The following CTTNBP2NL variants were observed in gnomAD, a reference collection of about 807,000 sequenced individuals.
CTTNBP2NL encodes the protein CTTNBP2 N-terminal like.
A neutral mutation model predicts 32.5 loss-of-function variants in CTTNBP2NL; 16 were observed. The observed-to-expected ratio is 0.49, with a 90% CI of 0.33 to 0.75. CTTNBP2NL has a LOEUF of 0.75. Among genes scored for constraint, CTTNBP2NL ranks in the 30% least tolerant of loss-of-function variants. CTTNBP2NL has a pLI of 0.02. For missense variants in CTTNBP2NL, 645 were observed against 756.0 expected, an observed-to-expected ratio of 0.85 and a Z score of 1.72; for synonymous variants, 298 against 289.4, an observed-to-expected ratio of 1.03 and a Z score of -0.30.
intron 1 of CTTNBP2NL, among the ~76,000 whole-genome samples, chr1:112,406,956 G>A (rs1557884480): frequency 1.3e-5 from 2 of 152,168 alleles, no homozygotes; most frequent in African/African-American, 4.8e-5. Context: ...GAATAAACAA[G>A]CATCTTGATC....
chr1:112,410,261 G>A (rs1313408455), intron 1 of CTTNBP2NL, among the ~76,000 whole-genome samples: 3 of 151,972 alleles, frequency 2.0e-5, no homozygotes, highest in Admixed American at 6.6e-5. Flanking sequence ...GCATGGTGGC[G>A]CATGCCTATA....
intron 3 of CTTNBP2NL, among the ~76,000 whole-genome samples, chr1:112,439,340 A>T (rs953082557): frequency 2.6e-5 from 4 of 151,954 alleles, no homozygotes; most frequent in African/African-American, 9.7e-5. Flanking sequence ...CTACTTCTTA[A>T]CCAAGATAAG....
intron 4 of CTTNBP2NL, among the ~76,000 whole-genome samples, chr1:112,451,403 G>A (rs1260004302): frequency 6.7e-6 from 1 of 148,522 alleles, no homozygotes; most frequent in Non-Finnish European, 1.5e-5. Context: ...TTTGGGAATA[G>A]TAGATGTGAC....
intron 3 of CTTNBP2NL, among the ~76,000 whole-genome samples, chr1:112,447,272 TAAAAAAAAAAAAAA>T (rs35522134): frequency 1.4e-5 from 1 of 69,678 alleles, no homozygotes; most frequent in Non-Finnish European, 2.7e-5. Context: ...AGACTCCATC[TAAAAAAAAAAAAAA>T]AAAAAAAAAA....
chr1:112,458,680 A>C lies in CTTNBP2NL; in HGVS notation c.*1268A>C, dbSNP rs552248633. 3 of 152,318 alleles carry C rather than the reference A, an allele frequency of 2.0e-5. No homozygotes were observed. Among genetic ancestry groups the C allele is most frequent in the African/African-American group, 7.2e-5 (3 of 41,568 alleles). 9.4% of individuals were successfully genotyped at this position (152,318 alleles called of 1,614,324 possible). ...AGCCTAGATCTTCAGTATCATAAAA[A>C]GGCAGAGCTGGCCAGGCACAGTGGC... On this transcript the variant is annotated 3_prime_UTR_variant, in exon 6 of 6. Transcript: ENST00000271277.
At chr1:112,450,595 G>T (rs1372915878) in intron 4 of CTTNBP2NL, among the ~76,000 whole-genome samples, 1 of 152,172 alleles carries the variant, frequency 6.6e-6, no homozygotes, top group Non-Finnish European at 1.5e-5. Context: ...TTGTGTTGAA[G>T]CTAGTTGGGC....
chr1:112,400,347 T>C (rs1334695097), intron 1 of CTTNBP2NL, among the ~76,000 whole-genome samples: 9 of 152,150 alleles, frequency 5.9e-5, no homozygotes, highest in Admixed American at 5.9e-4. Flanking sequence ...TAGAAATAAC[T>C]TGGAGAGGTT....
Position 112,458,796 on chromosome 1 carries a change from AC to A in CTTNBP2NL, c.*1388del, listed in dbSNP as rs991932869. ...AGACCAGCCTCATCAACATAGTGAGACCCCATCTCTATTAAAAAAATAAATA... is the reference window on the plus strand; with the variant it reads ...AGACCAGCCTCATCAACATAGTGAGACCCATCTCTATTAAAAAAATAAATA... On this transcript the variant is annotated 3_prime_UTR_variant, in exon 6 of 6. Transcript: ENST00000271277. The A allele has an allele frequency of 6.6e-6, 1 of 152,150 alleles. No homozygotes were observed. Among genetic ancestry groups the A allele is most frequent in the Non-Finnish European group, 1.5e-5 (1 of 68,038 alleles). 9.4% of individuals were successfully genotyped at this position (152,150 alleles called of 1,614,324 possible).
chr1:112,443,442 C>T (rs1455369827), intron 3 of CTTNBP2NL, among the ~76,000 whole-genome samples: 3 of 152,020 alleles, frequency 2.0e-5, no homozygotes, highest in African/African-American at 7.2e-5. Context: ...TTGAACTCCT[C>T]ACCTGAAGTC....
At chr1:112,397,203 A>T (rs1227498255) in intron 1 of CTTNBP2NL, among the ~76,000 whole-genome samples, 2 of 152,238 alleles carry the variant, frequency 1.3e-5, no homozygotes, top group Non-Finnish European at 1.5e-5. Context: ...CAAATGAAAC[A>T]GTATACATAA....
chr1:112,449,839 G>A (rs952092634), intron 4 of CTTNBP2NL, among the ~76,000 whole-genome samples: 4 of 151,798 alleles, frequency 2.6e-5, no homozygotes, highest in Non-Finnish European at 5.9e-5. Flanking sequence ...TACCCTATTA[G>A]TAAAGAGTGT....
upstream of CTTNBP2NL, among the ~76,000 whole-genome samples, chr1:112,395,456 T>C (rs1174617688): frequency 4.6e-5 from 7 of 152,256 alleles, no homozygotes; most frequent in East Asian, 1.3e-3. Flanking sequence ...GTACTCTCCA[T>C]TGTTTCAACT....
chr1:112,428,907 A>T (rs767441891), intron 3 of CTTNBP2NL, among the ~76,000 whole-genome samples: 24 of 152,318 alleles, frequency 1.6e-4, no homozygotes, highest in Non-Finnish European at 2.8e-4. Flanking sequence ...TTTGTTTTAT[A>T]GTGGCAAGAT....
chr1:112,397,640 A>G (rs1043247743), intron 1 of CTTNBP2NL, among the ~76,000 whole-genome samples: 2 of 152,232 alleles, frequency 1.3e-5, no homozygotes, highest in African/African-American at 4.8e-5. Context: ...CAGCAGGTGC[A>G]AAGTGTTGAT....
chr1:112,410,287 A>T (rs1441878511), intron 1 of CTTNBP2NL, among the ~76,000 whole-genome samples: 1 of 151,900 alleles, frequency 6.6e-6, no homozygotes, highest in Non-Finnish European at 1.5e-5. Context: ...AGCTACTCAG[A>T]AGGCTGAGGT....
chr1:112,406,251 A>G (rs1387594468), intron 1 of CTTNBP2NL, among the ~76,000 whole-genome samples: 1 of 152,034 alleles, frequency 6.6e-6, no homozygotes, highest in Non-Finnish European at 1.5e-5. Flanking sequence ...CTCTGGCCTC[A>G]GTACTCATCT....
rs1157736195 is a variant in CTTNBP2NL, at chr1:112,452,335, CTT to C, written c.331-2088_331-2087del. On this transcript the variant is annotated intron_variant, in intron 4 of 5. Coordinates refer to ENST00000271277, the MANE Select transcript of CTTNBP2NL (RefSeq NM_018704.3). Reference sequence around the variant, plus strand: ...GCATACACCACAGCACCAGTCTCTTCTTTTTTTTTTTTTTTTTTTTTTTTTTT... The same window carrying C: ...GCATACACCACAGCACCAGTCTCTTCTTTTTTTTTTTTTTTTTTTTTTTTT... Among the ~76,000 whole-genome samples the C allele has an allele frequency of 8.4e-4, 55 of 65,714 alleles. No individual in the cohort carries two copies. The East Asian group carries it at 0.012, about 14-fold the overall frequency. The allele number at this position is 65,714 out of a possible 152,430, so 43.1% of individuals were successfully genotyped here. A position where few individuals can be genotyped will look rare whatever the true frequency, so the allele number is the denominator to read the frequency against.
chr1:112,427,320 G>A (rs1414598180), intron 3 of CTTNBP2NL, among the ~76,000 whole-genome samples: 4 of 152,112 alleles, frequency 2.6e-5, no homozygotes, highest in Non-Finnish European at 4.4e-5. Flanking sequence ...GTGTTTATAG[G>A]TGACATCCCC....
At chr1:112,400,277 A>T (rs1377916754) in intron 1 of CTTNBP2NL, among the ~76,000 whole-genome samples, 1 of 152,236 alleles carries the variant, frequency 6.6e-6, no homozygotes, top group Admixed American at 6.5e-5. Flanking sequence ...TGTGTGATCC[A>T]GGGCAAGAGA....
Sources: gnomAD v4.1 joint callset for allele counts (sites outside exome capture counted in the v4.1 genomes callset) on GRCh38, gnomAD v4.1.1 for gene constraint, MANE v1.5 for transcripts, NCBI Gene and HGNC (gene_info 2026-07-23, HGNC 2026-07-21) for gene names.